Variants in KRT33B observed in about 807,000 individuals in gnomAD.
KRT33B encodes the protein keratin 33B, also known as keratin, type I cuticular Ha3-II.
KRT33B carries 37 observed loss-of-function variants against 42.7 expected under a neutral mutation model. The ratio of observed to expected loss-of-function variants is 0.87; its 90% CI spans 0.67 to 1.14. The LOEUF (loss-of-function observed/expected upper bound fraction) is 1.14, where lower values mean the gene tolerates loss of function less well. Ranked by LOEUF, KRT33B falls within the 50% of genes most tolerant of loss-of-function variation. The pLI is 0.00. For missense variants in KRT33B, 523 were observed against 515.1 expected (o/e 1.02, Z -0.15); for synonymous variants, 237 against 221.2 (o/e 1.07, Z -0.63).
intron 6 of KRT33B, 81 bp downstream of exon 6, chr17:41,364,698 C>T: frequency 6.4e-7 from 1 of 1,569,348 alleles, no homozygotes; most frequent in Non-Finnish European, 8.7e-7. Flanking sequence ...GCATCTGAAA[C>T]TTGATTTTCA....
rs761548228 is a variant in KRT33B, at chr17:41,363,881, A to G, written c.1170T>C (p.Cys390=). ...AAGGCCCACAGCGGGAACGAGGACCACAAGGATTGGTGACACAGGATCCAA... is the reference window on the plus strand; with the variant it reads ...AAGGCCCACAGCGGGAACGAGGACCGCAAGGATTGGTGACACAGGATCCAA... ...KPIGSCVTNP[C]GPRSRCGPCN... is the part of the protein sequence containing the mutation. Residue 390 remains cysteine, a synonymous_variant, in exon 7 of 7, where the codon TGT becomes TGC. Transcript: ENST00000251646. 1.2e-6 allele frequency: 2 copies of G among 1,611,966 alleles called. No homozygotes were observed. The highest frequency in any genetic ancestry group is 3.3e-5 in the Admixed American group (2 of 59,870).
intron 3 of KRT33B, 140 bp from the exon 4 acceptor site, chr17:41,365,693 T>C (rs1162867788): frequency 8.4e-6 from 9 of 1,068,402 alleles, no homozygotes; most frequent in Non-Finnish European, 1.2e-5. Context: ...CCTCTGGAAA[T>C]TCTGGCCTCT....
intron 5 of KRT33B, 78 bp downstream of exon 5, chr17:41,365,097 T>C (rs914706982): frequency 3.7e-5 from 59 of 1,608,628 alleles, no homozygotes; most frequent in Non-Finnish European, 4.4e-5. Flanking sequence ...CTAAGAAGAG[T>C]GTGTGGCCCC....
Position 41,368,103 on chromosome 17 carries a change from A to G in KRT33B, c.349-113T>C. On this transcript the variant is annotated intron_variant, in intron 1 of 6. Coordinates refer to ENST00000251646, the MANE Select transcript of KRT33B (RefSeq NM_002279.5). ...CTCCCAAATAGCTTTGAGTCCTTTC[A>G]GATTTTCAGCTCTGAGATAAAAGGA... The G allele has an allele frequency of 4.1e-6, 4 of 968,148 alleles. No homozygotes were observed. In the South Asian group the frequency reaches 4.2e-5, roughly 10 times the overall value. 60.0% of individuals were successfully genotyped at this position (968,148 alleles called of 1,614,324 possible). A position where few individuals can be genotyped will look rare whatever the true frequency, so the allele number is the denominator to read the frequency against.
In KRT33B at chr17:41,363,738, G is replaced by C. The variant is rs775386444; in HGVS notation, c.*98C>G. The C allele has an allele frequency of 2.6e-5, 20 of 774,356 alleles. No individual in the cohort carries two copies. In the African/African-American group the frequency reaches 3.4e-4, roughly 13 times the overall value. The allele number at this position is 774,356 out of a possible 1,614,324, so 48.0% of individuals were successfully genotyped here. A position where few individuals can be genotyped will look rare whatever the true frequency, so the allele number is the denominator to read the frequency against. On this transcript the variant is annotated 3_prime_UTR_variant, in exon 7 of 7. Transcript: ENST00000251646. ...AGACCATGATTTGTGGTGATGCCTC[G>C]GGGTGGGGTCCGGTGGCTGATGGTT...
At chr17:41,364,360 A>T (rs1327585760) in intron 6 of KRT33B, among the ~76,000 whole-genome samples, 1 of 151,452 alleles carries the variant, frequency 6.6e-6, no homozygotes, top group Non-Finnish European at 1.5e-5. Flanking sequence ...ATGCTCATCT[A>T]TAAGAAGGTG....
At chr17:41,366,918 C>A (rs1295078256) in intron 2 of KRT33B, among the ~76,000 whole-genome samples, 1 of 151,254 alleles carries the variant, frequency 6.6e-6, no homozygotes, top group East Asian at 1.9e-4. Flanking sequence ...TTTGCCATCT[C>A]AAGTGAATCA....
intron 6 of KRT33B, among the ~76,000 whole-genome samples, chr17:41,364,345 C>T (rs2017666267): frequency 6.6e-6 from 1 of 151,426 alleles, no homozygotes. Context: ...CCTATTGACA[C>T]TCAAATGCTC....
intron 2 of KRT33B, 55 bp downstream of exon 2, chr17:41,367,852 CT>C: frequency 6.7e-7 from 1 of 1,496,990 alleles, no homozygotes; most frequent in Admixed American, 1.7e-5. Flanking sequence ...GAGCTCATCA[CT>C]TTGTAATTCA....
Position 41,363,791 on chromosome 17 carries a change from T to C in KRT33B, c.*45A>G. 1 of 1,303,836 alleles carries C rather than the reference T, an allele frequency of 7.7e-7. No individual in the cohort carries two copies. The highest frequency in any genetic ancestry group is 1.3e-5 in the South Asian group (1 of 77,656). 80.8% of individuals were successfully genotyped at this position (1,303,836 alleles called of 1,614,324 possible). On this transcript the variant is annotated 3_prime_UTR_variant, in exon 7 of 7. Transcript: ENST00000251646. ...CAGAGAGGCAGAACTGGCCCACCGA[T>C]GGTAGTTCTGTCTTCATGCTATACT...
In KRT33B at chr17:41,366,632, C is replaced by A; in HGVS notation, c.432-6G>T. The A allele has an allele frequency of 6.3e-7, 1 of 1,597,434 alleles. No individual in the cohort carries two copies. Among genetic ancestry groups the A allele is most frequent in the Non-Finnish European group, 8.5e-7 (1 of 1,174,212 alleles). On this transcript the variant is annotated splice_region_variant and splice_polypyrimidine_tract_variant and intron_variant, in intron 2 of 6. Transcript: ENST00000251646. ...GGGACTGCTCCGTCTGGTACCTGCA[C>A]ACACAGCCAGAGGTCAAAAGAGGTC...
Position 41,365,534 on chromosome 17 carries a change from C to T in KRT33B, c.608G>A (p.Cys203Tyr). The T allele has an allele frequency of 3.7e-6, 6 of 1,611,486 alleles. No individual in the cohort carries two copies. Among genetic ancestry groups the T allele is most frequent in the Non-Finnish European group, 5.1e-6 (6 of 1,179,690 alleles). ...NHEQEVNTLR[C>Y]QLGDRLNVEV... ...CACGTTGAGGCGGTCTCCAAGCTGG[C>T]AGCGCAAGGTGTTGACTTCCTAATG... is the stretch of plus-strand genomic sequence containing the variant. The change falls in exon 4 of 7, where the codon TGC becomes TAC. Residue 203 changes from cysteine to tyrosine, a missense_variant. Transcript: ENST00000251646.
At chr17:41,366,400 T>A in intron 3 of KRT33B, 70 bp downstream of exon 3, 2 of 1,571,040 alleles carry the variant, frequency 1.3e-6, no homozygotes, top group South Asian at 2.3e-5. Flanking sequence ...GCAAATCAAA[T>A]CCTACCTTAT....
chr17:41,365,440 G>A lies in KRT33B; in HGVS notation c.702C>T (p.Ala234=), dbSNP rs1464150742. ...CTTCCCTGCGGTTGGTTTCCACCAGGGCCTCATACTGATTCCTGGTCTCGT... is the reference window on the plus strand; with the variant it reads ...CTTCCCTGCGGTTGGTTTCCACCAGAGCCTCATACTGATTCCTGGTCTCGT... ...VLNETRNQYE[A]LVETNRREVE... The change falls in exon 4 of 7, where the codon GCC becomes GCT. Residue 234 remains alanine, a synonymous_variant. Transcript: ENST00000251646. 6.2e-7 allele frequency: 1 copy of A among 1,612,916 alleles called. No homozygotes were observed. The highest frequency in any genetic ancestry group is 8.5e-7 in the Non-Finnish European group (1 of 1,179,998).
chr17:41,365,985 TC>T (rs2017696425), intron 3 of KRT33B, among the ~76,000 whole-genome samples: 1 of 151,376 alleles, frequency 6.6e-6, no homozygotes, highest in African/African-American at 2.5e-5. Flanking sequence ...AGTATTGCAT[TC>T]AGCCATGAGA....
chr17:41,363,661 G>A lies in KRT33B; in HGVS notation c.*175C>T, dbSNP rs1044205893. ...AGGGACCTGGGGTGAGGAGGATCAAGTAGCCCTAGGCTCAGAGTCAGACCC... is the reference window on the plus strand; with the variant it reads ...AGGGACCTGGGGTGAGGAGGATCAAATAGCCCTAGGCTCAGAGTCAGACCC... On this transcript the variant is annotated 3_prime_UTR_variant, in exon 7 of 7. Transcript: ENST00000251646. The A allele has an allele frequency of 9.8e-6, 5 of 507,786 alleles. No individual in the cohort carries two copies. The African/African-American group carries it at 9.9e-5, about 10-fold the overall frequency. The allele number at this position is 507,786 out of a possible 1,614,324, so 31.5% of individuals were successfully genotyped here.
chr17:41,369,284 A>G (rs1247890714), intron 1 of KRT33B, 119 bp downstream of exon 1: 7 of 1,371,848 alleles, frequency 5.1e-6, no homozygotes, highest in Non-Finnish European at 6.9e-6. Context: ...AAGCCAGTGA[A>G]TCTATGTCTT....
In KRT33B at chr17:41,364,037, G is replaced by C. The variant is rs1026431946; in HGVS notation, c.1098-84C>G. ...TCAATCCAAAGAGACACAGAAACAA[G>C]CAGAACCCGTTCTCTGATGTCCTAG... is the stretch of plus-strand genomic sequence containing the variant. On this transcript the variant is annotated intron_variant, in intron 6 of 6. Coordinates refer to ENST00000251646, the MANE Select transcript of KRT33B (RefSeq NM_002279.5). 5.4e-5 allele frequency: 51 copies of C among 950,538 alleles called. 1 individual carries two copies. Among genetic ancestry groups the C allele is most frequent in the Non-Finnish European group, 7.8e-5 (47 of 604,132 alleles). The allele number at this position is 950,538 out of a possible 1,614,324, so 58.9% of individuals were successfully genotyped here. A position where few individuals can be genotyped will look rare whatever the true frequency, so the allele number is the denominator to read the frequency against.
At position 41,365,386 on chromosome 17, in the gene KRT33B, G is replaced by T; in HGVS notation, c.750+6C>A. On this transcript the variant is annotated splice_donor_region_variant and intron_variant, in intron 4 of 6. Coordinates refer to ENST00000251646, the MANE Select transcript of KRT33B (RefSeq NM_002279.5). Reference sequence around the variant, plus strand: ...GTCCTGAGTGGCCACGTGCTTAGATGCCCACCTGCGTGGCGAACCATTGCT... The same window carrying T: ...GTCCTGAGTGGCCACGTGCTTAGATTCCCACCTGCGTGGCGAACCATTGCT... The T allele has an allele frequency of 6.2e-7, 1 of 1,610,014 alleles. No homozygotes were observed. The highest frequency in any genetic ancestry group is 1.1e-5 in the South Asian group (1 of 90,990).
Sources: allele counts gnomAD v4.1 joint callset (sites outside exome capture counted in the v4.1 genomes callset), GRCh38; gene constraint gnomAD v4.1.1; transcripts MANE v1.5; gene names NCBI Gene and HGNC (gene_info 2026-07-23, HGNC 2026-07-21).